The following OGDH variants were observed in gnomAD, a reference collection of about 807,000 sequenced individuals.
The protein encoded by OGDH is 2-oxoglutarate dehydrogenase complex component E1.
A neutral mutation model predicts 116.6 loss-of-function variants in OGDH; 38 were observed. The observed-to-expected ratio is 0.33, with a 90% confidence interval of 0.25 to 0.43. OGDH has a LOEUF of 0.43. Among genes scored for constraint, OGDH ranks in the 20% least tolerant of loss-of-function variants. The probability of loss-of-function intolerance (pLI) is 1.00; values close to 1 mark genes in which losing one functional copy is unlikely to be tolerated. For missense variants in OGDH, 825 were observed against 1,357.2 expected (o/e 0.61, Z 6.16); for synonymous variants, 488 against 533.3 (o/e 0.92, Z 1.17).
intron 4 of OGDH, chr7:44,656,267 C>A: frequency 6.5e-7 from 1 of 1,529,742 alleles, no homozygotes; most frequent in Non-Finnish European, 8.8e-7. Flanking sequence ...CTAACTCTCA[C>A]CTGTCTTTTT....
At chr7:44,646,235 T>C (rs1786176259) in intron 3 of OGDH, among the ~76,000 whole-genome samples, 1 of 152,246 alleles carries the variant, frequency 6.6e-6, no homozygotes, top group African/African-American at 2.4e-5. Context: ...AGCCTGGTGC[T>C]TCCCTTCTGG....
intron 20 of OGDH, among the ~76,000 whole-genome samples, chr7:44,702,319 C>T (rs992660024): frequency 3.9e-5 from 6 of 152,180 alleles, no homozygotes; most frequent in Non-Finnish European, 8.8e-5. Flanking sequence ...CAAAGCAAGC[C>T]CTTCAGGACA....
In OGDH at chr7:44,666,804, G is replaced by T; in HGVS notation, c.586G>T (p.Gly196Ter). The T allele has an allele frequency of 6.2e-7, 1 of 1,613,134 alleles. No homozygotes were observed. Among genetic ancestry groups the T allele is most frequent in the Non-Finnish European group, 8.5e-7 (1 of 1,179,532 alleles). ...FHLPTTTFIG[G>*]QESALPLREI... is the part of the protein sequence containing the mutation. ...CTTGCCCACCACCACTTTCATCGGG[G>T]GACAGGAATCAGCACTTCCTCTGCG... The change falls in exon 5 of 23, where the codon GGA becomes TGA. Residue 196 changes from glycine (G) to a stop codon, truncating the protein, a stop_gained. Coordinates refer to ENST00000222673, the MANE Select transcript of OGDH (RefSeq NM_002541.4). LOFTEE classifies it high-confidence loss of function.
intron 10 of OGDH, among the ~76,000 whole-genome samples, chr7:44,682,976 G>A (rs569909249): frequency 4.6e-5 from 7 of 151,884 alleles, no homozygotes; most frequent in South Asian, 2.1e-4. Context: ...GTGAAACCCC[G>A]TCTCTACTAA....
intron 2 of OGDH, among the ~76,000 whole-genome samples, chr7:44,641,410 G>A (rs1419212811): frequency 6.6e-6 from 1 of 151,430 alleles, no homozygotes; most frequent in African/African-American, 2.4e-5. Context: ...ATTTTTAGTA[G>A]AGACGGGGTT....
At chr7:44,667,670 G>A (rs80350583) in intron 5 of OGDH, among the ~76,000 whole-genome samples, 1,879 of 152,288 alleles carry the variant, frequency 0.012, 20 homozygotes, top group Middle Eastern at 0.024. Flanking sequence ...GCAAGTCATA[G>A]CCTCCCTCAG....
chr7:44,700,382 G>C, intron 19 of OGDH, 113 bp downstream of exon 19: 1 of 1,357,174 alleles, frequency 7.4e-7, no homozygotes, highest in Non-Finnish European at 1.0e-6. Context: ...GCACCTGCAG[G>C]GGTAGTGTGG....
intron 2 of OGDH, among the ~76,000 whole-genome samples, chr7:44,631,343 G>A (rs376526314): frequency 3.9e-5 from 6 of 152,258 alleles, no homozygotes; most frequent in Middle Eastern, 6.8e-3. Flanking sequence ...TGTAACATGG[G>A]TACGTTAAGT....
rs759096382 is a variant in OGDH at position 44,698,214 on chromosome 7, G to A, written c.2381G>A (p.Arg794His). Reference protein sequence around the residue: ...EGMGPEHSSARPERFLQMCND... With the variant: ...EGMGPEHSSAHPERFLQMCND... ...CAGGGTCCAGAACATTCCTCCGCCC[G>A]CCCAGAGCGGTTCTTGCAGATGTGC... The change falls in exon 18 of 23, where the codon CGC becomes CAC. Residue 794 changes from arginine (R) to histidine (H), a missense_variant. Physicochemically the swap from Arg to His is conservative, Grantham distance 29. Around this residue, in one of 7 missense-constraint regions of OGDH, gnomAD observed 73 missense variants for 182.3 expected, o/e 0.40. Transcript: ENST00000222673. 8.1e-6 allele frequency: 13 copies of A among 1,614,048 alleles called. No individual in the cohort carries two copies. Among genetic ancestry groups the A allele is most frequent in the African/African-American group, 2.7e-5 (2 of 74,914 alleles).
chr7:44,704,842 C>G (rs1562692974), intron 20 of OGDH, among the ~76,000 whole-genome samples: 1 of 151,690 alleles, frequency 6.6e-6, no homozygotes, highest in African/African-American at 2.4e-5. Flanking sequence ...TCCCAAGTAG[C>G]TGGGATTACA....
intron 4 of OGDH, among the ~76,000 whole-genome samples, chr7:44,658,738 C>G (rs187726998): frequency 1.3e-5 from 2 of 152,030 alleles, no homozygotes; most frequent in East Asian, 3.9e-4. Flanking sequence ...TGAGGAAGTT[C>G]CTCTGTATTC....
At chr7:44,664,326 T>C (rs1043116320) in intron 4 of OGDH, among the ~76,000 whole-genome samples, 1 of 152,198 alleles carries the variant, frequency 6.6e-6, no homozygotes, top group Admixed American at 6.5e-5. Context: ...TTGGATTCCC[T>C]CTTGGGCCTT....
intron 1 of OGDH, among the ~76,000 whole-genome samples, chr7:44,616,998 G>C (rs1367145286): frequency 7.1e-6 from 1 of 141,446 alleles, no homozygotes; most frequent in Non-Finnish European, 1.5e-5. Flanking sequence ...GCAGTGGCGC[G>C]ATCTCGGCTC....
At chr7:44,631,415 G>A (rs1200888578) in intron 2 of OGDH, among the ~76,000 whole-genome samples, 1 of 152,148 alleles carries the variant, frequency 6.6e-6, no homozygotes, top group Non-Finnish European at 1.5e-5. Context: ...GTACCCAATA[G>A]GCAATTTTTC....
At chr7:44,613,515 A>G (rs1784647886) in intron 1 of OGDH, among the ~76,000 whole-genome samples, 1 of 151,518 alleles carries the variant, frequency 6.6e-6, no homozygotes, top group South Asian at 2.1e-4. Context: ...GCCCACCACC[A>G]TGCCTGGCTA....
Position 44,708,101 on chromosome 7 carries a change from C to T in OGDH, c.*102C>T. 1 of 1,457,532 alleles carries T rather than the reference C, an allele frequency of 6.9e-7. No homozygotes were observed. Among genetic ancestry groups the T allele is most frequent in the East Asian group, 2.3e-5 (1 of 43,702 alleles). The allele number at this position is 1,457,532 out of a possible 1,614,324, so 90.3% of individuals were successfully genotyped here. A position where few individuals can be genotyped will look rare whatever the true frequency, so the allele number is the denominator to read the frequency against. ...GCCTCAGCGCTGCCCACACCACCGC[C>T]CTCCTCGCTGTGCCACCACCCCTCC... On this transcript the variant is annotated 3_prime_UTR_variant, in exon 23 of 23. Transcript: ENST00000222673.
chr7:44,606,918 C>CGCGCGGG (rs1468496142), intron 1 of OGDH, among the ~76,000 whole-genome samples: 2 of 151,882 alleles, frequency 1.3e-5, no homozygotes, highest in African/African-American at 2.4e-5. Flanking sequence ...GCTCCGAGGT[C>CGCGCGGG]GCGCGGGGCG....
intron 14 of OGDH, 54 bp downstream of exon 14, chr7:44,696,611 C>T (rs1788591992): frequency 1.0e-5 from 16 of 1,607,978 alleles, no homozygotes; most frequent in East Asian, 2.2e-5. Context: ...CCAGGGGCGA[C>T]GACTGTCTAG....
Position 44,703,741 on chromosome 7 carries a change from C to T in OGDH, c.2632+2126C>T, listed in dbSNP as rs183647411. On this transcript the variant is annotated intron_variant, in intron 20 of 22. Coordinates refer to ENST00000222673, the MANE Select transcript of OGDH (RefSeq NM_002541.4). The stretch of plus-strand genomic sequence containing the variant: ...AAAAAAAATAAATAAATAAACTAGC[C>T]GGGGGTGGTGGCGCATACCTGTAAT... Among the ~76,000 whole-genome samples, 103 of 149,948 alleles carry T rather than the reference C, an allele frequency of 6.9e-4. 1 individual carries two copies. The highest frequency in any genetic ancestry group is 2.4e-3 in the African/African-American group (98 of 40,928).
Sources: gnomAD v4.1 joint callset for allele counts (sites outside exome capture counted in the v4.1 genomes callset) on GRCh38, gnomAD v4.1.1 for gene constraint, gnomAD v4.1.1 regional missense constraint, MANE v1.5 for transcripts, NCBI Gene and HGNC (gene_info 2026-07-23, HGNC 2026-07-21) for gene names.